The following RBM34 variants were observed in gnomAD, a reference collection of about 807,000 sequenced individuals.
RBM34 encodes RNA binding motif protein 34, also known as RNA-binding protein 34.
In RBM34, 39 loss-of-function variants were observed where a neutral mutation model predicts 44.6. That is an observed-to-expected ratio of 0.87 (90% confidence interval 0.68 to 1.14). RBM34 has a LOEUF of 1.14. Ranked by LOEUF, RBM34 falls within the 50% of genes most tolerant of loss-of-function variation. RBM34 has a pLI of 0.00. For missense variants in RBM34, 572 were observed against 517.9 expected (o/e 1.10, Z -1.01); for synonymous variants, 194 against 184.0 (o/e 1.05, Z -0.44).
chr1:235,160,608 T>C lies in RBM34; in HGVS notation c.268A>G (p.Ser90Gly). Residue 90 changes from serine to glycine, a missense_variant, in exon 3 of 11, where the codon AGT (serine) becomes GGT (glycine). Transcript: ENST00000408888. ...AGTGGTCTTTCAATCTGGGATGTACTTTCTTCCTCCTCATTCCGTTTCGTT... is the reference window on the plus strand; with the variant it reads ...AGTGGTCTTTCAATCTGGGATGTACCTTCTTCCTCCTCATTCCGTTTCGTT... ...KKTKRNEEEE[S>G]TSQIERPLSQ... 6.2e-6 allele frequency: 10 copies of C among 1,613,538 alleles called. No homozygotes were observed. Among genetic ancestry groups the C allele is most frequent in the Non-Finnish European group, 8.5e-6 (10 of 1,179,828 alleles).
intron 6 of RBM34, among the ~76,000 whole-genome samples, chr1:235,144,538 A>G (rs569812753): frequency 6.6e-6 from 1 of 152,156 alleles, no homozygotes. Flanking sequence ...TTTGGCTATA[A>G]GAAAAAGGAA....
chr1:235,148,802 G>GTA (rs1662027121), intron 5 of RBM34, among the ~76,000 whole-genome samples: 4 of 151,812 alleles, frequency 2.6e-5, no homozygotes, highest in Admixed American at 2.6e-4. Flanking sequence ...GTTTCATCAG[G>GTA]TTAGCCAGGA....
chr1:235,160,200 T>G, intron 3 of RBM34: 1 of 480,654 alleles, frequency 2.1e-6, no homozygotes, highest in Non-Finnish European at 4.1e-6. Context: ...TGCAGTGAGC[T>G]GAGATCACTG....
At position 235,160,625 on chromosome 1, in the gene RBM34, C is replaced by T; in HGVS notation, c.251G>A (p.Arg84Gln). ...VPKQTIKKTKRNEEEESTSQI... is the reference protein window; with the variant it reads ...VPKQTIKKTKQNEEEESTSQI... ...GGATGTACTTTCTTCCTCCTCATTC[C>T]GTTTCGTTTTTTTGATGGTTTGCTT... Residue 84 changes from arginine (R) to glutamine (Q), a missense_variant, in exon 3 of 11, where the codon CGG becomes CAG. Physicochemically the swap from Arg to Gln is conservative, Grantham distance 43. Transcript: ENST00000408888. The T allele has an allele frequency of 6.2e-7, 1 of 1,611,282 alleles. No individual in the cohort carries two copies. Among genetic ancestry groups the T allele is most frequent in the Middle Eastern group, 1.7e-4 (1 of 6,050 alleles).
At chr1:235,135,587 T>A in intron 10 of RBM34, 65 bp downstream of exon 10, 1 of 1,285,768 alleles carries the variant, frequency 7.8e-7, no homozygotes, top group Non-Finnish European at 1.1e-6. Flanking sequence ...AATGATGACA[T>A]GCAACAGTGT....
At position 235,133,640 on chromosome 1, in the gene RBM34, T is replaced by C. The variant is rs74590721; in HGVS notation, c.1009-1643A>G. Among the ~76,000 whole-genome samples, 926 of 152,174 alleles carry C rather than the reference T, an allele frequency of 6.1e-3. 16 individuals carry two copies. The highest frequency in any genetic ancestry group is 0.021 in the African/African-American group (880 of 41,508). On this transcript the variant is annotated intron_variant, in intron 10 of 10. Transcript: ENST00000408888. The stretch of plus-strand genomic sequence containing the variant: ...TAGTATGTACAGTCAGCTCCCCAAA[T>C]CCGTGAGTTCAGTATCAGAGGATTC...
rs749203299 is a variant in RBM34, at chr1:235,155,153, C to A, written c.366-41G>T. On this transcript the variant is annotated intron_variant, in intron 3 of 10. Transcript: ENST00000408888. ...AATAAAATAAGCAGTAAGAGTCATG[C>A]CAGTTAGGTCTAGTATTTGACAAAG... The A allele has an allele frequency of 1.1e-5, 16 of 1,503,246 alleles. No individual in the cohort carries two copies. In the African/African-American group the frequency reaches 1.9e-4, roughly 18 times the overall value. 93.1% of individuals were successfully genotyped at this position (1,503,246 alleles called of 1,614,324 possible). A position where few individuals can be genotyped will look rare whatever the true frequency, so the allele number is the denominator to read the frequency against.
rs1176804824 is a variant in RBM34 at position 235,154,872 on chromosome 1, C to T, written c.597+9G>A. On this transcript the variant is annotated intron_variant, in intron 4 of 10. Transcript: ENST00000408888. ...AACTTCTCTGAACTTTTACCATATA[C>T]AAACTCACCTTCTTATTACATGTAA... is the stretch of plus-strand genomic sequence containing the variant. 6.2e-7 allele frequency: 1 copy of T among 1,603,862 alleles called. No homozygotes were observed. The highest frequency in any genetic ancestry group is 1.3e-5 in the African/African-American group (1 of 74,796).
At chr1:235,152,647 T>C (rs748502046) in intron 5 of RBM34, 59 bp downstream of exon 5, 1 of 1,575,706 alleles carries the variant, frequency 6.3e-7, no homozygotes, top group Non-Finnish European at 8.6e-7. Flanking sequence ...AATAAGTTCA[T>C]CTGATTTAAA....
At position 235,131,535 on chromosome 1, in the gene RBM34, C is replaced by A; in HGVS notation, c.*178G>T. On this transcript the variant is annotated 3_prime_UTR_variant, in exon 11 of 11. Transcript: ENST00000408888. ...AAAAACAAAACAAAAACAAAAAAAC[C>A]TTCAAAGGTAGTATCACAATGTGAA... 1.4e-6 allele frequency: 1 copy of A among 705,900 alleles called. No homozygotes were observed. Among genetic ancestry groups the A allele is most frequent in the South Asian group, 3.0e-5 (1 of 33,796 alleles). The allele number at this position is 705,900 out of a possible 1,614,324, so 43.7% of individuals were successfully genotyped here. A position where few individuals can be genotyped will look rare whatever the true frequency, so the allele number is the denominator to read the frequency against.
chr1:235,152,922 G>A (rs1459105119), intron 4 of RBM34, among the ~76,000 whole-genome samples, 157 bp from the exon 5 acceptor site: 1 of 147,504 alleles, frequency 6.8e-6, no homozygotes, highest in Non-Finnish European at 1.5e-5. Flanking sequence ...AGGCTGGAGT[G>A]CAGTGGTGTG....
intron 2 of RBM34, 41 bp downstream of exon 2, chr1:235,160,852 G>T (rs1175543194): frequency 6.2e-7 from 1 of 1,604,326 alleles, no homozygotes; most frequent in Non-Finnish European, 8.5e-7. Context: ...GTATGTAAGT[G>T]GTTCTAACGA....
chr1:235,131,556 G>T lies in RBM34; in HGVS notation c.*157C>A. ...AAACCTTCAAAGGTAGTATCACAAT[G>T]TGAATAAACTGAGAATGTGGAAGTC... On this transcript the variant is annotated 3_prime_UTR_variant, in exon 11 of 11. Transcript: ENST00000408888. 1.2e-6 allele frequency: 1 copy of T among 839,530 alleles called. No individual in the cohort carries two copies. Among genetic ancestry groups the T allele is most frequent in the Non-Finnish European group, 1.8e-6 (1 of 555,828 alleles). 52.0% of individuals were successfully genotyped at this position (839,530 alleles called of 1,614,324 possible).
chr1:235,156,058 C>G (rs4659601), intron 3 of RBM34, among the ~76,000 whole-genome samples: 38,094 of 148,228 alleles, frequency 0.26, 5,993 homozygotes, highest in South Asian at 0.53. Context: ...TTAGCAGAGA[C>G]GAGGTTTCAC....
At chr1:235,159,357 C>A (rs1662591580) in intron 3 of RBM34, among the ~76,000 whole-genome samples, 1 of 151,862 alleles carries the variant, frequency 6.6e-6, no homozygotes, top group Admixed American at 6.6e-5. Flanking sequence ...CGAGACCAGA[C>A]TGGTCAATAT....
At chr1:235,148,351 G>C in intron 6 of RBM34, 53 bp downstream of exon 6, 2 of 1,385,396 alleles carry the variant, frequency 1.4e-6, no homozygotes. Flanking sequence ...TCACTTTTTA[G>C]CCAAAAAGGA....
chr1:235,134,504 G>A (rs562137439), intron 10 of RBM34, among the ~76,000 whole-genome samples: 55 of 152,068 alleles, frequency 3.6e-4, no homozygotes, highest in South Asian at 2.1e-3. Context: ...ATGAAACACT[G>A]GTTAAAAATT....
At chr1:235,153,654 G>C (rs1436520873) in intron 4 of RBM34, among the ~76,000 whole-genome samples, 1 of 152,246 alleles carries the variant, frequency 6.6e-6, no homozygotes. Context: ...TCGAACTCCC[G>C]ACCTCAGGGG....
chr1:235,138,696 T>C (rs370805987), intron 6 of RBM34, among the ~76,000 whole-genome samples: 5 of 152,330 alleles, frequency 3.3e-5, no homozygotes, highest in African/African-American at 1.2e-4. Flanking sequence ...CCCATTTTTA[T>C]AGGAACTACT....
Sources: allele counts gnomAD v4.1 joint callset (sites outside exome capture counted in the v4.1 genomes callset), GRCh38; gene constraint gnomAD v4.1.1; transcripts MANE v1.5; gene names NCBI Gene and HGNC (gene_info 2026-07-23, HGNC 2026-07-21).